Variants in DCC observed in about 807,000 individuals in gnomAD.
The protein encoded by DCC is netrin receptor DCC.
In DCC, 58 loss-of-function variants were observed where a neutral mutation model predicts 172.5. The observed-to-expected ratio is 0.34, with a 90% CI of 0.27 to 0.42. The LOEUF is 0.42. Among genes scored for constraint, DCC ranks in the 10% least tolerant of loss-of-function variants. The pLI is 1.00. For synonymous variants in DCC, 709 were observed against 644.5 expected, an observed-to-expected ratio of 1.10 and a Z score of -1.52; for missense variants, 1,740 against 1,791.0, an observed-to-expected ratio of 0.97 and a Z score of 0.51.
At chr18:53,222,986 G>A (rs2055966429) in intron 12 of DCC, among the ~76,000 whole-genome samples, 1 of 151,718 alleles carries the variant, frequency 6.6e-6, no homozygotes, top group Non-Finnish European at 1.5e-5. Context: ...TATATATTAA[G>A]TGAAAAAATA....
chr18:52,748,844 G>C (rs1216352937), intron 1 of DCC, among the ~76,000 whole-genome samples: 1 of 152,224 alleles, frequency 6.6e-6, no homozygotes, highest in African/African-American at 2.4e-5. Context: ...TATAGGCTCA[G>C]AATGTGGGAG....
intron 2 of DCC, among the ~76,000 whole-genome samples, chr18:52,837,191 A>C (rs1291845807): frequency 6.6e-6 from 1 of 152,190 alleles, no homozygotes; most frequent in Non-Finnish European, 1.5e-5. Flanking sequence ...TAGGCCTCCA[A>C]GCCTGTGATG....
intron 1 of DCC, among the ~76,000 whole-genome samples, chr18:52,595,609 C>T (rs1191971249): frequency 2.6e-5 from 4 of 152,204 alleles, no homozygotes; most frequent in Non-Finnish European, 5.9e-5. Context: ...TAACCCTTCA[C>T]TTGGGGATTT....
chr18:52,910,759 A>G (rs1320340458), intron 3 of DCC, among the ~76,000 whole-genome samples: 5 of 152,144 alleles, frequency 3.3e-5, no homozygotes, highest in South Asian at 2.1e-4. Context: ...GAATTGATCA[A>G]TTGGTAATTC....
At chr18:52,488,309 TA>T (rs2030332106) in intron 1 of DCC, among the ~76,000 whole-genome samples, 1 of 152,126 alleles carries the variant, frequency 6.6e-6, no homozygotes, top group South Asian at 2.1e-4. Context: ...AAATACAATT[TA>T]ATTGAAAAAC....
intron 23 of DCC, 117 bp from the exon 24 acceptor site, chr18:53,459,115 C>T: frequency 2.4e-6 from 2 of 837,744 alleles, no homozygotes; most frequent in Non-Finnish European, 2.0e-6. Flanking sequence ...TTTCACAGGG[C>T]TCATTCTGCG....
At chr18:53,108,071 A>C (rs2043276385) in intron 7 of DCC, among the ~76,000 whole-genome samples, 1 of 151,786 alleles carries the variant, frequency 6.6e-6, no homozygotes, top group South Asian at 2.1e-4. Context: ...GAAATTTAGA[A>C]ACTGCCAGTT....
At chr18:53,420,550 T>C (rs537366013) in intron 21 of DCC, among the ~76,000 whole-genome samples, 83 of 152,236 alleles carry the variant, frequency 5.5e-4, no homozygotes, top group African/African-American at 2.0e-3. Flanking sequence ...CAAGGTTCAG[T>C]GTGGTCAGTT....
At chr18:53,042,686 C>G (rs1269422588) in intron 5 of DCC, among the ~76,000 whole-genome samples, 3 of 151,978 alleles carry the variant, frequency 2.0e-5, no homozygotes, top group African/African-American at 7.2e-5. Context: ...GACATTTATG[C>G]AGCCAACAAA....
chr18:52,602,593 A>G (rs2034040291), intron 1 of DCC, among the ~76,000 whole-genome samples: 1 of 152,080 alleles, frequency 6.6e-6, no homozygotes. Context: ...TTCTTTAGTA[A>G]TATGCCTTTA....
chr18:53,322,939 T>G (rs2057429517), intron 14 of DCC, among the ~76,000 whole-genome samples: 1 of 152,026 alleles, frequency 6.6e-6, no homozygotes, highest in Admixed American at 6.5e-5. Context: ...TAAGATATGA[T>G]AAGTATTCTT....
intron 14 of DCC, among the ~76,000 whole-genome samples, chr18:53,324,848 A>G (rs1359970479): frequency 2.0e-5 from 3 of 152,274 alleles, no homozygotes; most frequent in Admixed American, 6.5e-5. Flanking sequence ...CTTATGAAGT[A>G]TACATTATTA....
chr18:52,346,776 G>A (rs1461629718), intron 1 of DCC, among the ~76,000 whole-genome samples: 1 of 152,074 alleles, frequency 6.6e-6, no homozygotes, highest in Non-Finnish European at 1.5e-5. Context: ...CTATTCTTAT[G>A]GCATGACTTC....
chr18:52,524,738 A>T (rs1482156369), intron 1 of DCC, among the ~76,000 whole-genome samples: 1 of 152,160 alleles, frequency 6.6e-6, no homozygotes, highest in Non-Finnish European at 1.5e-5. Context: ...CATCCTTATT[A>T]ACAACTTTGC....
rs192718921 is a variant in DCC at position 53,513,346 on chromosome 18, C to A, written c.4112-13271C>A. 2.0e-5 allele frequency among the ~76,000 whole-genome samples: 3 copies of A among 152,118 alleles called. 1 individual carries two copies. Among genetic ancestry groups the A allele is most frequent in the South Asian group, 4.1e-4 (2 of 4,820 alleles). ...ATGGAAAGGAACAACCGGTACCAGC[C>A]GCTGCAAAATTATGCCAAAATGTAA... On this transcript the variant is annotated intron_variant, in intron 27 of 28. Transcript: ENST00000442544.
chr18:52,935,372 A>T (rs1306391997), intron 5 of DCC, among the ~76,000 whole-genome samples: 1 of 151,846 alleles, frequency 6.6e-6, no homozygotes, highest in South Asian at 2.1e-4. Context: ...ACCTATATCA[A>T]TTTAATAGTA....
intron 19 of DCC, among the ~76,000 whole-genome samples, chr18:53,405,086 G>C (rs920576267): frequency 2.0e-5 from 3 of 149,946 alleles, no homozygotes; most frequent in Admixed American, 6.7e-5. Context: ...ATTACTTCCA[G>C]AAAATAGAAT....
At chr18:52,632,811 C>T (rs1443491399) in intron 1 of DCC, among the ~76,000 whole-genome samples, 4 of 152,154 alleles carry the variant, frequency 2.6e-5, no homozygotes, top group Non-Finnish European at 5.9e-5. Context: ...TTTCTAAAAG[C>T]ATCTGATTGA....
chr18:53,231,120 C>G (rs2056115379), intron 12 of DCC, among the ~76,000 whole-genome samples: 1 of 151,860 alleles, frequency 6.6e-6, no homozygotes, highest in African/African-American at 2.4e-5. Flanking sequence ...GGACACACAA[C>G]AGGAGTCGGA....
Sources: allele counts gnomAD v4.1 joint callset (sites outside exome capture counted in the v4.1 genomes callset), GRCh38; gene constraint gnomAD v4.1.1; transcripts MANE v1.5; gene names NCBI Gene and HGNC (gene_info 2026-07-23, HGNC 2026-07-21).